The following DOK6 variants were observed in gnomAD, a reference collection of about 807,000 sequenced individuals.
DOK6 encodes the protein docking protein 6.
A neutral mutation model predicts 44.0 loss-of-function variants in DOK6; 22 were observed. The ratio of observed to expected loss-of-function variants is 0.50; its 90% CI spans 0.36 to 0.71. The LOEUF (loss-of-function observed/expected upper bound fraction) is 0.71. Ranked by LOEUF, DOK6 falls within the 30% of genes least tolerant of loss-of-function variation. DOK6 has a pLI of 0.00. For missense variants in DOK6, 340 were observed against 416.4 expected, an observed-to-expected ratio of 0.82 and a Z score of 1.60; for synonymous variants, 166 against 145.5, an observed-to-expected ratio of 1.14 and a Z score of -1.01.
At chr18:69,448,710 G>C (rs142439308) in intron 1 of DOK6, among the ~76,000 whole-genome samples, 2 of 152,048 alleles carry the variant, frequency 1.3e-5, no homozygotes, top group African/African-American at 2.4e-5. Flanking sequence ...ACCATCCTTG[G>C]TCCTTAATGA....
At chr18:69,484,189 C>T (rs558618786) in intron 1 of DOK6, among the ~76,000 whole-genome samples, 9 of 151,966 alleles carry the variant, frequency 5.9e-5, no homozygotes, top group South Asian at 2.1e-4. Context: ...CTCTAAAATC[C>T]GAGACTGGCT....
chr18:69,765,429 A>G (rs1025901384), intron 7 of DOK6, among the ~76,000 whole-genome samples: 9 of 152,176 alleles, frequency 5.9e-5, no homozygotes, highest in South Asian at 2.1e-4. Context: ...CTGGATGTCA[A>G]TTTTTAGAGA....
intron 2 of DOK6, among the ~76,000 whole-genome samples, chr18:69,583,779 A>T (rs1460500143): frequency 6.6e-6 from 1 of 150,612 alleles, no homozygotes; most frequent in African/African-American, 2.5e-5. Context: ...AAAAAGCGTT[A>T]TCTTAAATAT....
intron 7 of DOK6, among the ~76,000 whole-genome samples, chr18:69,829,329 A>C: frequency 6.6e-6 from 1 of 151,972 alleles, no homozygotes; most frequent in East Asian, 1.9e-4. Flanking sequence ...AAAATTCTAA[A>C]CCAGACAAAA....
At chr18:69,624,770 T>G (rs1449274199) in intron 3 of DOK6, among the ~76,000 whole-genome samples, 2 of 152,138 alleles carry the variant, frequency 1.3e-5, no homozygotes, top group Admixed American at 6.5e-5. Flanking sequence ...AATCATTTTA[T>G]CATACATATT....
chr18:69,812,940 G>A (rs921556186), intron 7 of DOK6, among the ~76,000 whole-genome samples: 3 of 152,050 alleles, frequency 2.0e-5, no homozygotes, highest in Non-Finnish European at 4.4e-5. Context: ...GGGGATTATG[G>A]GGATTACAAT....
intron 7 of DOK6, among the ~76,000 whole-genome samples, chr18:69,772,008 T>TAAA (rs34816663): frequency 1.8e-5 from 2 of 111,716 alleles, no homozygotes; most frequent in East Asian, 2.6e-4. Flanking sequence ...GAGACCTCAG[T>TAAA]AAAAAAAAAA....
At chr18:69,436,665 G>A (rs1375104593) in intron 1 of DOK6, among the ~76,000 whole-genome samples, 1 of 152,118 alleles carries the variant, frequency 6.6e-6, no homozygotes, top group Non-Finnish European at 1.5e-5. Flanking sequence ...AATCCCTCGG[G>A]TATATACCCA....
At chr18:69,657,240 G>T (rs936900329) in intron 3 of DOK6, among the ~76,000 whole-genome samples, 1 of 152,238 alleles carries the variant, frequency 6.6e-6, no homozygotes, top group African/African-American at 2.4e-5. Context: ...CCTCATGCCT[G>T]CCTGCCTTTC....
At chr18:69,550,002 A>T (rs138530320) in intron 1 of DOK6, among the ~76,000 whole-genome samples, 1 of 151,246 alleles carries the variant, frequency 6.6e-6, no homozygotes, top group Non-Finnish European at 1.5e-5. Flanking sequence ...ATGCCAAGAT[A>T]CTTTAGAAAT....
intron 7 of DOK6, among the ~76,000 whole-genome samples, chr18:69,808,815 A>C (rs1381323884): frequency 6.6e-6 from 1 of 151,848 alleles, no homozygotes; most frequent in Non-Finnish European, 1.5e-5. Flanking sequence ...CATCAGTGAA[A>C]ACCCTAGGAC....
intron 3 of DOK6, among the ~76,000 whole-genome samples, chr18:69,624,462 A>G (rs1283951122): frequency 6.6e-6 from 1 of 152,102 alleles, no homozygotes; most frequent in Admixed American, 6.5e-5. Context: ...TTTTTCTGTA[A>G]TCAGGTAAAG....
intron 1 of DOK6, among the ~76,000 whole-genome samples, chr18:69,525,523 C>G (rs532598187): frequency 2.6e-5 from 4 of 152,006 alleles, no homozygotes; most frequent in African/African-American, 7.2e-5. Context: ...ATTCTCTTGT[C>G]CTCTTTGTCT....
At chr18:69,474,922 A>T (rs1015792936) in intron 1 of DOK6, among the ~76,000 whole-genome samples, 3 of 152,240 alleles carry the variant, frequency 2.0e-5, no homozygotes, top group African/African-American at 7.2e-5. Context: ...GTAATGTTTT[A>T]AAAACAATGT....
At chr18:69,664,659 C>A (rs527883506) in intron 3 of DOK6, among the ~76,000 whole-genome samples, 85 of 152,306 alleles carry the variant, frequency 5.6e-4, no homozygotes, top group Middle Eastern at 3.4e-3. Flanking sequence ...GCACTCAGGG[C>A]TTCTCAGACT....
intron 1 of DOK6, among the ~76,000 whole-genome samples, chr18:69,423,194 C>G (rs1353963588): frequency 6.6e-6 from 1 of 152,054 alleles, no homozygotes; most frequent in Non-Finnish European, 1.5e-5. Context: ...CCCAGCCACG[C>G]GGGAGGCTGG....
intron 1 of DOK6, among the ~76,000 whole-genome samples, chr18:69,423,485 C>G (rs1422909827): frequency 1.3e-5 from 2 of 152,190 alleles, no homozygotes; most frequent in African/African-American, 4.8e-5. Flanking sequence ...ATCACTTTTC[C>G]TCTATTAATA....
At chr18:69,788,647 C>T (rs914318327) in intron 7 of DOK6, among the ~76,000 whole-genome samples, 7 of 152,152 alleles carry the variant, frequency 4.6e-5, no homozygotes, top group African/African-American at 1.4e-4. Flanking sequence ...AAGTGTTCGG[C>T]ATAAAACAAT....
At chr18:69,595,452 C>T (rs1250116178) in intron 2 of DOK6, among the ~76,000 whole-genome samples, 1 of 152,150 alleles carries the variant, frequency 6.6e-6, no homozygotes, top group Non-Finnish European at 1.5e-5. Flanking sequence ...TGATCTGCCA[C>T]TGAGGGCTTC....
Sources: gnomAD v4.1 joint callset for allele counts (sites outside exome capture counted in the v4.1 genomes callset) on GRCh38, gnomAD v4.1.1 for gene constraint, MANE v1.5 for transcripts, NCBI Gene and HGNC (gene_info 2026-07-23, HGNC 2026-07-21) for gene names.